The following SYN2 variants were observed in gnomAD, a reference collection of about 807,000 sequenced individuals.
SYN2 encodes the protein synapsin-2.
SYN2 carries 19 observed loss-of-function variants against 50.9 expected under a neutral mutation model. That is an observed-to-expected ratio of 0.37 (90% confidence interval 0.26 to 0.55). SYN2 has a LOEUF of 0.55. Among genes scored for constraint, SYN2 ranks in the 20% least tolerant of loss-of-function variants. SYN2 has a pLI of 0.81. For synonymous variants in SYN2, 255 were observed against 224.9 expected, an observed-to-expected ratio of 1.13 and a Z score of -1.20; for missense variants, 587 against 576.4, an observed-to-expected ratio of 1.02 and a Z score of -0.19.
At chr3:12,181,751 G>A (rs1574893119) in intron 10 of SYN2, among the ~76,000 whole-genome samples, 1 of 152,198 alleles carries the variant, frequency 6.6e-6, no homozygotes, top group Non-Finnish European at 1.5e-5. Flanking sequence ...GACTATTCTA[G>A]CAAGAAATGA....
In SYN2 at chr3:12,010,385, A is replaced by G. The variant is rs1033989962; in HGVS notation, c.377+5457A>G. On this transcript the variant is annotated intron_variant, in intron 1 of 12. Transcript: ENST00000621198. The stretch of plus-strand genomic sequence containing the variant: ...ATACCTCCTCAAATTTACAAGGGAT[A>G]TAAGGATTAAACACAGGCCATGTCT... 1.2e-4 allele frequency among the ~76,000 whole-genome samples: 18 copies of G among 152,356 alleles called. 1 individual carries two copies. Among genetic ancestry groups the G allele is most frequent in the East Asian group, 7.7e-4 (4 of 5,194 alleles).
intron 1 of SYN2, among the ~76,000 whole-genome samples, chr3:12,125,106 C>T (rs865815583): frequency 6.6e-6 from 1 of 152,046 alleles, no homozygotes; most frequent in Non-Finnish European, 1.5e-5. Context: ...CCTCCGCCTC[C>T]CGGGTTCAAG....
At chr3:12,138,256 C>T (rs972938693) in intron 1 of SYN2, among the ~76,000 whole-genome samples, 2 of 152,180 alleles carry the variant, frequency 1.3e-5, no homozygotes, top group African/African-American at 2.4e-5. Context: ...CAAGACAGGT[C>T]AGTGACCCTG....
chr3:12,100,857 A>G (rs1030506845), intron 1 of SYN2, among the ~76,000 whole-genome samples: 2 of 152,150 alleles, frequency 1.3e-5, no homozygotes, highest in African/African-American at 2.4e-5. Flanking sequence ...ATGAACATCT[A>G]CGTGTCAAGT....
chr3:12,167,109 C>T (rs1697818653), intron 7 of SYN2, 125 bp from the exon 8 acceptor site: 5 of 944,754 alleles, frequency 5.3e-6, no homozygotes, highest in Non-Finnish European at 8.2e-6. Flanking sequence ...AGACAGACCC[C>T]TGGGCTACTT....
intron 3 of SYN2, among the ~76,000 whole-genome samples, chr3:12,145,269 G>A (rs141222203): frequency 6.3e-4 from 96 of 152,266 alleles, no homozygotes; most frequent in Non-Finnish European, 5.6e-4. Flanking sequence ...AGGGGTCATG[G>A]CACTTGCCTA....
At chr3:12,146,093 G>T (rs942075190) in intron 4 of SYN2, among the ~76,000 whole-genome samples, 1 of 152,220 alleles carries the variant, frequency 6.6e-6, no homozygotes, top group African/African-American at 2.4e-5. Flanking sequence ...CCTTTGCTGC[G>T]GAGTGGACCT....
chr3:12,027,420 T>TC (rs1377370267), intron 1 of SYN2, among the ~76,000 whole-genome samples: 1 of 152,078 alleles, frequency 6.6e-6, no homozygotes, highest in African/African-American at 2.4e-5. Context: ...GTACCCATTG[T>TC]CCCCCTTTTT....
intron 1 of SYN2, among the ~76,000 whole-genome samples, chr3:12,138,800 G>C (rs1438530040): frequency 6.6e-6 from 1 of 152,226 alleles, no homozygotes; most frequent in African/African-American, 2.4e-5. Flanking sequence ...GAAAAGCATT[G>C]CTGATAACAA....
chr3:12,164,416 T>A (rs1004000844), intron 7 of SYN2, among the ~76,000 whole-genome samples: 2 of 152,236 alleles, frequency 1.3e-5, no homozygotes, highest in Non-Finnish European at 2.9e-5. Context: ...GACCGTCAGT[T>A]ATTGGAGAAA....
intron 3 of SYN2, among the ~76,000 whole-genome samples, chr3:12,144,751 TG>T (rs1697106309): frequency 6.6e-6 from 1 of 152,218 alleles, no homozygotes; most frequent in Non-Finnish European, 1.5e-5. Context: ...CCAGGCGTGG[TG>T]GCTCGCACCT....
chr3:12,153,226 G>A, intron 5 of SYN2: 1 of 495,020 alleles, frequency 2.0e-6, no homozygotes. Context: ...TTCCTGGGGA[G>A]GAAAGGGAAT....
At chr3:12,185,568 A>G (rs1432719336) in intron 11 of SYN2, 2 of 985,774 alleles carry the variant, frequency 2.0e-6, no homozygotes, top group Admixed American at 6.1e-5. Context: ...TAGGATTGCC[A>G]TTCAGGTGTT....
At chr3:12,111,695 C>T (rs1379551192) in intron 1 of SYN2, among the ~76,000 whole-genome samples, 5 of 152,144 alleles carry the variant, frequency 3.3e-5, no homozygotes, top group African/African-American at 1.2e-4. Flanking sequence ...CAATATATTA[C>T]CCACTCTACT....
chr3:12,190,379 G>A lies in SYN2; in HGVS notation c.1614-111G>A, dbSNP rs1698422987. 4.7e-6 allele frequency: 6 copies of A among 1,284,068 alleles called. No homozygotes were observed. The Admixed American group carries it at 9.5e-5, about 20-fold the overall frequency. 79.5% of individuals were successfully genotyped at this position (1,284,068 alleles called of 1,614,324 possible). On this transcript the variant is annotated intron_variant, in intron 12 of 12. Transcript: ENST00000621198. Reference sequence around the variant, plus strand: ...TCTGGCATTATCCTCCATCACCTTGGTTTCCCAGGGAGGGAGTGGGGGTTC... The same window carrying A: ...TCTGGCATTATCCTCCATCACCTTGATTTCCCAGGGAGGGAGTGGGGGTTC...
intron 1 of SYN2, among the ~76,000 whole-genome samples, chr3:12,107,673 G>A (rs934137378): frequency 1.3e-5 from 2 of 152,178 alleles, no homozygotes; most frequent in Non-Finnish European, 2.9e-5. Context: ...GGAAGTGAAG[G>A]TGGGCAGATT....
chr3:12,125,083 T>G (rs1574953493), intron 1 of SYN2, among the ~76,000 whole-genome samples: 1 of 152,072 alleles, frequency 6.6e-6, no homozygotes, highest in East Asian at 1.9e-4. Context: ...GGCACAATCT[T>G]GGCTCACTGC....
chr3:12,019,049 ATT>A (rs1439081774), intron 1 of SYN2, among the ~76,000 whole-genome samples: 1 of 152,186 alleles, frequency 6.6e-6, no homozygotes, highest in African/African-American at 2.4e-5. Context: ...GATGCCTCTT[ATT>A]CTCTGTCTGT....
chr3:12,156,791 T>A (rs759512231), intron 5 of SYN2: 2 of 1,570,680 alleles, frequency 1.3e-6, no homozygotes, highest in Non-Finnish European at 1.8e-6. Flanking sequence ...TCTATTATAT[T>A]AAGGCCAGTT....
Sources: allele counts gnomAD v4.1 joint callset (sites outside exome capture counted in the v4.1 genomes callset), GRCh38; gene constraint gnomAD v4.1.1; transcripts MANE v1.5; gene names NCBI Gene and HGNC (gene_info 2026-07-23, HGNC 2026-07-21).